PRR12: variants seen among roughly 807,000 people sequenced by gnomAD.
PRR12 encodes the protein proline-rich protein 12.
PRR12 carries 12 observed loss-of-function variants against 138.0 expected under a neutral mutation model. The observed-to-expected ratio is 0.09, with a 90% CI of 0.06 to 0.14. PRR12 has a LOEUF of 0.14. Among genes scored for constraint, PRR12 ranks in the 10% least tolerant of loss-of-function variants. The pLI, the probability that PRR12 is intolerant of heterozygous loss-of-function variation, is 1.00. For synonymous variants in PRR12, 1,567 were observed against 1,291.7 expected, an observed-to-expected ratio of 1.21 and a Z score of -4.57; for missense variants, 2,692 against 2,861.3, an observed-to-expected ratio of 0.94 and a Z score of 1.35.
chr19:49,615,315 G>A (rs2080886149), intron 8 of PRR12, among the ~76,000 whole-genome samples: 1 of 150,382 alleles, frequency 6.6e-6, no homozygotes, highest in Non-Finnish European at 1.5e-5. Context: ...GAGACCCAGA[G>A]AAAAAGAGGG....
rs921758324 is a variant in PRR12, at chr19:49,605,867, C to G, written c.4773+3949C>G. 7.2e-5 allele frequency among the ~76,000 whole-genome samples: 11 copies of G among 152,256 alleles called. 1 individual carries two copies. Among genetic ancestry groups the G allele is most frequent in the Admixed American group, 5.2e-4 (8 of 15,284 alleles). On this transcript the variant is annotated intron_variant, in intron 6 of 13. Transcript: ENST00000418929. ...TGTGCATTATAATGGGGGCAAAGCCCCACGCCTTTGCCAAATGTACAGACC... is the reference window on the plus strand; with the variant it reads ...TGTGCATTATAATGGGGGCAAAGCCGCACGCCTTTGCCAAATGTACAGACC...
At chr19:49,621,644 G>C (rs1442541243) in intron 11 of PRR12, 22 bp downstream of exon 11, 2 of 1,547,604 alleles carry the variant, frequency 1.3e-6, no homozygotes, top group Non-Finnish European at 1.8e-6. Flanking sequence ...TCTGGGCAGG[G>C]GGTGTCTGGG....
At chr19:49,608,270 A>G (rs1007523873) in intron 6 of PRR12, among the ~76,000 whole-genome samples, 1 of 151,880 alleles carries the variant, frequency 6.6e-6, no homozygotes, top group Non-Finnish European at 1.5e-5. Context: ...CCGGCAGATC[A>G]CTTGAGCCCA....
Position 49,614,526 on chromosome 19 carries a change from T to C in PRR12, c.4774-7T>C. ...CCTGCTGGCCTCACCACACCCCTCCTCCTCAGCTGGCGTTGCAGACGGGGC... is the reference window on the plus strand; with the variant it reads ...CCTGCTGGCCTCACCACACCCCTCCCCCTCAGCTGGCGTTGCAGACGGGGC... On this transcript the variant is annotated splice_polypyrimidine_tract_variant and splice_region_variant and intron_variant, in intron 6 of 13. Transcript: ENST00000418929. The surrounding 1 kb of genome is among the most constrained non-coding windows in gnomAD (Gnocchi z 5.0). 2 of 1,538,284 alleles carry C rather than the reference T, an allele frequency of 1.3e-6. No individual in the cohort carries two copies. Among genetic ancestry groups the C allele is most frequent in the Non-Finnish European group, 1.8e-6 (2 of 1,140,730 alleles).
At chr19:49,602,639 C>G (rs1201272784) in intron 6 of PRR12, among the ~76,000 whole-genome samples, 3 of 152,298 alleles carry the variant, frequency 2.0e-5, no homozygotes, top group African/African-American at 7.2e-5. Flanking sequence ...GCAGCCTCTG[C>G]CTCCCAGGTT....
Position 49,596,690 on chromosome 19 carries a change from C to T in PRR12, c.2355C>T (p.Ala785=), listed in dbSNP as rs761910480. The change falls in exon 4 of 14, where the codon GCC becomes GCT. Residue 785 remains alanine (A), a synonymous_variant. Transcript: ENST00000418929. The surrounding 1 kb of genome is among the most constrained non-coding windows in gnomAD (Gnocchi z 5.6). The stretch of plus-strand genomic sequence containing the variant: ...CTCCCCATGGCCTCCTTCTGGAGGC[C>T]GGGGGCCCTGACCTCCCACTGGTGC... ...QPTPHGLLLE[A]GGPDLPLVLP... is the part of the protein sequence containing the mutation. The T allele has an allele frequency of 1.1e-5, 17 of 1,603,908 alleles. No individual in the cohort carries two copies. The highest frequency in any genetic ancestry group is 3.3e-5 in the South Asian group (3 of 90,714).
rs1394232314 is a variant in PRR12, at chr19:49,607,408, C to G, written c.4773+5490C>G. 2.0e-5 allele frequency among the ~76,000 whole-genome samples: 3 copies of G among 151,240 alleles called. No individual in the cohort carries two copies. The East Asian group carries it at 5.8e-4, about 29-fold the overall frequency. On this transcript the variant is annotated intron_variant, in intron 6 of 13. Coordinates refer to ENST00000418929, the MANE Select transcript of PRR12 (RefSeq NM_020719.3). Reference sequence around the variant, plus strand: ...AGTTTCAGCTTGTAATTAATAAAAACTATTAATGATGTTTTTGCCAGGCGT... The same window carrying G: ...AGTTTCAGCTTGTAATTAATAAAAAGTATTAATGATGTTTTTGCCAGGCGT...
At position 49,596,282 on chromosome 19, in the gene PRR12, G is replaced by A. The variant is rs774529607; in HGVS notation, c.1947G>A (p.Ala649=). ...TCCTTATCCAGCACCTCTTGCAGGC[G>A]CCCAGCCCTCCTCGGACCTCAGGGG... ...EEFLIQHLLQ[A]PSPPRTSGAD... The change falls in exon 4 of 14, where the codon GCG becomes GCA. Residue 649 remains alanine (A), a synonymous_variant. Transcript: ENST00000418929. The surrounding 1 kb of genome is among the most constrained non-coding windows in gnomAD (Gnocchi z 5.6). 3.7e-5 allele frequency: 59 copies of A among 1,611,106 alleles called. No individual in the cohort carries two copies. The highest frequency in any genetic ancestry group is 5.3e-5 in the African/African-American group (4 of 74,922).
Position 49,597,051 on chromosome 19 carries a change from G to A in PRR12, c.2716G>A (p.Gly906Ser). The change falls in exon 4 of 14, where the codon GGC (glycine) becomes AGC (serine). Residue 906 changes from glycine to serine, a missense_variant. Gly to Ser is a moderately conservative substitution (Grantham distance 56). Transcript: ENST00000418929. The surrounding 1 kb of genome is among the most constrained non-coding windows in gnomAD (Gnocchi z 6.3). Reference sequence around the variant, plus strand: ...TGGCGTAGGCCCACCAAACTCGGAGGGCAAGGATCCCGCAGGCGCCTACCG... The same window carrying A: ...TGGCGTAGGCCCACCAAACTCGGAGAGCAAGGATCCCGCAGGCGCCTACCG... The part of the protein sequence containing the change: ...DTGVGPPNSE[G>S]KDPAGAYRSP... 1 of 1,554,520 alleles carries A rather than the reference G, an allele frequency of 6.4e-7. No individual in the cohort carries two copies. Among genetic ancestry groups the A allele is most frequent in the East Asian group, 2.4e-5 (1 of 41,292 alleles).
At chr19:49,619,535 C>CTTTTTTTTTTTTTTT (rs760207958) in intron 9 of PRR12, among the ~76,000 whole-genome samples, 1 of 67,140 alleles carries the variant, frequency 1.5e-5, no homozygotes, top group Non-Finnish European at 2.6e-5. Context: ...ATGCCCAGCC[C>CTTTTTTTTTTTTTTT]TTTTTTTTTT....
rs569973299 is a variant in PRR12, at chr19:49,592,423, C to T, written c.86+683C>T. Among the ~76,000 whole-genome samples the T allele has an allele frequency of 1.4e-3, 212 of 152,242 alleles. 1 individual carries two copies. Among genetic ancestry groups the T allele is most frequent in the African/African-American group, 4.8e-3 (200 of 41,534 alleles). ...ACTGGTGCCGTTGCATGGGAAGAGT[C>T]GGATGTTTCCCGGGTGTGTGTTTGT... On this transcript the variant is annotated intron_variant, in intron 1 of 13. Transcript: ENST00000418929.
chr19:49,601,571 C>A lies in PRR12; in HGVS notation c.4426C>A (p.Pro1476Thr). The stretch of plus-strand genomic sequence containing the variant: ...TCAGCCTCAGCCTCCGCCACCCCCT[C>A]CGCCGCCACAGCCAGCCCTGCCCTC... ...TPQPQPPPPP[P>T]PPQPALPSPP... The change falls in exon 6 of 14, where the codon CCG becomes ACG. Residue 1476 changes from proline to threonine, a missense_variant. Around this residue, in one of 11 missense-constraint regions of PRR12, gnomAD observed 231 missense variants for 200.8 expected, o/e 1.15. Transcript: ENST00000418929. 6.5e-7 allele frequency: 1 copy of A among 1,541,208 alleles called. No individual in the cohort carries two copies. Among genetic ancestry groups the A allele is most frequent in the Non-Finnish European group, 8.8e-7 (1 of 1,140,264 alleles).
At chr19:49,621,478 G>A (rs2080923253) in intron 10 of PRR12, 47 bp from the exon 11 acceptor site, 1 of 1,467,680 alleles carries the variant, frequency 6.8e-7, no homozygotes, top group Non-Finnish European at 9.4e-7. Flanking sequence ...TGGCCCCAGT[G>A]CTTTGTGAGG....
At chr19:49,592,533 G>C (rs998293361) in intron 1 of PRR12, among the ~76,000 whole-genome samples, 1 of 151,962 alleles carries the variant, frequency 6.6e-6, no homozygotes, top group Non-Finnish European at 1.5e-5. Flanking sequence ...TATTGGTGTG[G>C]CGCCCTCACA....
chr19:49,621,683 ACGTGTCGGC>A (rs1404452800), intron 11 of PRR12, 61 bp downstream of exon 11: 44 of 1,344,564 alleles, frequency 3.3e-5, no homozygotes, highest in Non-Finnish European at 4.2e-5. Flanking sequence ...GAAGACATGT[ACGTGTCGGC>A]CGCTGTTGGC....
chr19:49,620,129 G>T (rs972330431), intron 9 of PRR12, among the ~76,000 whole-genome samples: 3 of 152,154 alleles, frequency 2.0e-5, no homozygotes, highest in African/African-American at 7.2e-5. Flanking sequence ...GATGACAGGC[G>T]TGAGCCACTG....
Position 49,624,985 on chromosome 19 carries a change from G to T in PRR12, c.5863G>T (p.Ala1955Ser). 1.9e-6 allele frequency: 3 copies of T among 1,601,310 alleles called. No homozygotes were observed. Among genetic ancestry groups the T allele is most frequent in the Non-Finnish European group, 2.6e-6 (3 of 1,172,586 alleles). Residue 1955 changes from alanine (A) to serine (S), a missense_variant, in exon 12 of 14, where the codon GCC becomes TCC. Physicochemically the swap from Ala to Ser is moderately conservative, Grantham distance 99. Around this residue, in one of 11 missense-constraint regions of PRR12, gnomAD observed 116 missense variants for 243.4 expected, o/e 0.48. Coordinates refer to ENST00000418929, the MANE Select transcript of PRR12 (RefSeq NM_020719.3). ...LSKLKRSVVR[A>S]QEFKVELEKS... ...CAAGCTCAAGAGGAGCGTGGTCAGA[G>T]CCCAGGTGGGCACTGGGGCTGGGGC... is the stretch of plus-strand genomic sequence containing the variant.
At chr19:49,622,243 A>G (rs1183720693) in intron 11 of PRR12, among the ~76,000 whole-genome samples, 1 of 152,132 alleles carries the variant, frequency 6.6e-6, no homozygotes, top group Admixed American at 6.6e-5. Context: ...GGGATAGGCT[A>G]TTAGGCTGGT....
chr19:49,625,179 C>A lies in PRR12; in HGVS notation c.5943C>A (p.Thr1981=), dbSNP rs1338839273. Reference sequence around the variant, plus strand: ...CGCTCCACCACTATAAATACCACACCTTCCTGCGCTGCCGGGACCAGGTGA... The same window carrying A: ...CGCTCCACCACTATAAATACCACACATTCCTGCGCTGCCGGGACCAGGTGA... ...YHSLHHYKYH[T]FLRCRDQTLA... The change falls in exon 13 of 14, where the codon ACC becomes ACA. Residue 1981 remains threonine (T), a synonymous_variant. Coordinates refer to ENST00000418929, the MANE Select transcript of PRR12 (RefSeq NM_020719.3). This position sits in a 1 kb window ranked among gnomAD's most constrained non-coding sequence, Gnocchi z 5.5. 7.4e-6 allele frequency: 12 copies of A among 1,613,744 alleles called. No homozygotes were observed. The highest frequency in any genetic ancestry group is 1.0e-5 in the Non-Finnish European group (12 of 1,179,722).
Sources: allele counts gnomAD v4.1 joint callset (sites outside exome capture counted in the v4.1 genomes callset), GRCh38; gene constraint gnomAD v4.1.1; regional missense constraint gnomAD v4.1.1; non-coding constraint Gnocchi (gnomAD v3.1); transcripts MANE v1.5; gene names NCBI Gene and HGNC (gene_info 2026-07-23, HGNC 2026-07-21).